INTS10: variants seen among roughly 807,000 people sequenced by gnomAD.
INTS10 encodes integrator complex subunit 10.
A neutral mutation model predicts 94.4 loss-of-function variants in INTS10; 44 were observed. That is an observed-to-expected ratio of 0.47 (90% CI 0.37 to 0.60). The LOEUF is 0.60. INTS10 is among the 20% of genes least tolerant of loss of function. The pLI is 0.00. For synonymous variants in INTS10, 341 were observed against 320.7 expected, an observed-to-expected ratio of 1.06 and a Z score of -0.68; for missense variants, 797 against 868.7, an observed-to-expected ratio of 0.92 and a Z score of 1.04.
chr8:19,824,050 A>G lies in INTS10; in HGVS notation c.836+6A>G. The G allele has an allele frequency of 6.3e-7, 1 of 1,580,334 alleles. No homozygotes were observed. The highest frequency in any genetic ancestry group is 8.6e-7 in the Non-Finnish European group (1 of 1,164,840). ...CAGATGGATAAAGGAAGACGGTAAT[A>G]AATAGCTTATTTCCAGAATTGCCTA... is the stretch of plus-strand genomic sequence containing the variant. On this transcript the variant is annotated splice_donor_region_variant and intron_variant, in intron 7 of 16. Transcript: ENST00000397977.
At chr8:19,824,648 G>A in intron 7 of INTS10, 155 bp from the exon 8 acceptor site, 1 of 539,218 alleles carries the variant, frequency 1.9e-6, no homozygotes, top group Non-Finnish European at 3.2e-6. Flanking sequence ...AATTCAGAAG[G>A]GAAAAGTTAC....
chr8:19,832,936 A>T (rs1390252681), intron 11 of INTS10, among the ~76,000 whole-genome samples: 1 of 152,184 alleles, frequency 6.6e-6, no homozygotes, highest in East Asian at 1.9e-4. Flanking sequence ...CTAAGACCAG[A>T]AAGAAAAATC....
intron 9 of INTS10, among the ~76,000 whole-genome samples, chr8:19,829,122 TA>T: frequency 6.6e-6 from 1 of 152,170 alleles, no homozygotes; most frequent in East Asian, 1.9e-4. Context: ...TTTATTTATT[TA>T]TTTTTTAGGT....
chr8:19,842,862 C>G lies in INTS10; in HGVS notation c.1654C>G (p.Leu552Val), dbSNP rs1272066391. Reference sequence around the variant, plus strand: ...ACTTCTGTTAGGTTCGGATCTGAAGCTCCTGCCTTGTACCAGCAAGGCTAT... The same window carrying G: ...ACTTCTGTTAGGTTCGGATCTGAAGGTCCTGCCTTGTACCAGCAAGGCTAT... ...PKFRKGSDLK[L>V]LPCTSKAIMP... Residue 552 changes from leucine (L) to valine (V), a missense_variant, in exon 14 of 17, where the codon CTC becomes GTC. By Grantham distance (32) the Leu-to-Val change is conservative (BLOSUM62 1). This residue lies in a region of INTS10 where 734 missense variants were observed against 787.8 expected (regional missense o/e 0.93). Transcript: ENST00000397977. The G allele has an allele frequency of 1.9e-6, 3 of 1,611,004 alleles. No homozygotes were observed. The highest frequency in any genetic ancestry group is 2.7e-5 in the African/African-American group (2 of 74,792).
In INTS10 at chr8:19,837,096, C is replaced by G; in HGVS notation, c.1575C>G (p.Leu525=). ...KVLDLMCYMV[L]PIQDGGKSQE... ...TTGATTTGATGTGCTACATGGTACT[C>G]CCCATTCAAGATGGAGGCAAATCCC... Residue 525 remains leucine (L), a synonymous_variant, in exon 13 of 17, where the codon CTC becomes CTG. Coordinates refer to ENST00000397977, the MANE Select transcript of INTS10 (RefSeq NM_018142.4). 1 of 1,613,886 alleles carries G rather than the reference C, an allele frequency of 6.2e-7. No individual in the cohort carries two copies. The highest frequency in any genetic ancestry group is 8.5e-7 in the Non-Finnish European group (1 of 1,179,762).
intron 11 of INTS10, 56 bp from the exon 12 acceptor site, chr8:19,833,113 A>T: frequency 7.7e-6 from 11 of 1,434,592 alleles, no homozygotes; most frequent in Non-Finnish European, 1.0e-5. Flanking sequence ...GTATTTTTTA[A>T]ATTTCTTTTT....
chr8:19,822,746 T>C (rs962987295), intron 5 of INTS10, among the ~76,000 whole-genome samples: 2 of 151,944 alleles, frequency 1.3e-5, no homozygotes, highest in African/African-American at 4.8e-5. Context: ...GGTCAAGAGA[T>C]CGAGACCATC....
chr8:19,833,272 G>A lies in INTS10; in HGVS notation c.1481G>A (p.Arg494Lys), dbSNP rs566777056. The change falls in exon 12 of 17, where the codon AGG becomes AAG. Residue 494 changes from arginine to lysine, a missense_variant. This residue lies in a region of INTS10 where 734 missense variants were observed against 787.8 expected (regional missense o/e 0.93). Coordinates refer to ENST00000397977, the MANE Select transcript of INTS10 (RefSeq NM_018142.4). ...GGGCAGGGGACCCTGGAGCATCAGA[G>A]GGCGCTCATCCAGCTGGCGACGTGC... ...ITGQGTLEHQRALIQLATCHF... is the reference protein window; with the variant it reads ...ITGQGTLEHQKALIQLATCHF... 6.2e-7 allele frequency: 1 copy of A among 1,613,142 alleles called. No individual in the cohort carries two copies. The highest frequency in any genetic ancestry group is 1.1e-5 in the South Asian group (1 of 91,018).
chr8:19,835,644 T>C (rs1032970093), intron 12 of INTS10, among the ~76,000 whole-genome samples: 3 of 152,144 alleles, frequency 2.0e-5, no homozygotes, highest in African/African-American at 7.2e-5. Flanking sequence ...CTCTGTGACA[T>C]CGGTAGGTTA....
At chr8:19,847,857 C>T (rs1590072965) in intron 16 of INTS10, among the ~76,000 whole-genome samples, 1 of 152,316 alleles carries the variant, frequency 6.6e-6, no homozygotes, top group East Asian at 1.9e-4. Flanking sequence ...GGATACCCAT[C>T]ATGCACTTCT....
At chr8:19,847,051 A>G (rs1177947114) in intron 16 of INTS10, among the ~76,000 whole-genome samples, 4 of 152,216 alleles carry the variant, frequency 2.6e-5, no homozygotes, top group Non-Finnish European at 1.5e-5. Flanking sequence ...GTGCCTAGGG[A>G]AAGAAGTAAG....
Position 19,826,484 on chromosome 8 carries a change from T to C in INTS10, c.1065T>C (p.Tyr355=), listed in dbSNP as rs1185997864. The C allele has an allele frequency of 8.1e-6, 13 of 1,613,202 alleles. No individual in the cohort carries two copies. The highest frequency in any genetic ancestry group is 1.0e-5 in the Non-Finnish European group (12 of 1,179,720). Residue 355 remains tyrosine, a synonymous_variant, in exon 9 of 17, where the codon TAT becomes TAC. Transcript: ENST00000397977. ...LVLLEDVSNV[Y]GDVEIDRNKH... The stretch of plus-strand genomic sequence containing the variant: ...TTCTTGAAGATGTATCGAATGTGTA[T>C]GGTGATGTAGAAATTGATCGTAATA...
intron 13 of INTS10, among the ~76,000 whole-genome samples, chr8:19,840,157 T>C (rs984887278): frequency 5.5e-5 from 8 of 145,698 alleles, no homozygotes; most frequent in African/African-American, 2.0e-4. Flanking sequence ...AATTAGAAAA[T>C]GAATTTTTTA....
chr8:19,819,652 G>A lies in INTS10; in HGVS notation c.277G>A (p.Asp93Asn). 1 of 1,613,124 alleles carries A rather than the reference G, an allele frequency of 6.2e-7. No individual in the cohort carries two copies. Among genetic ancestry groups the A allele is most frequent in the Non-Finnish European group, 8.5e-7 (1 of 1,179,354 alleles). ...ITSALRNDSQ[D>N]KQTQFLRSLF... ...ATCAGCATTAAGGAACGATTCACAG[G>A]ACAAACAAACCCAATTTTTAAGAAG... The change falls in exon 3 of 17, where the codon GAC (aspartate) becomes AAC (asparagine). Residue 93 changes from aspartate to asparagine, a missense_variant. Transcript: ENST00000397977.
chr8:19,822,274 C>G (rs1481810152), intron 4 of INTS10, 165 bp from the exon 5 acceptor site: 6 of 508,374 alleles, frequency 1.2e-5, no homozygotes, highest in South Asian at 2.7e-5. Context: ...GGGTGTGTGG[C>G]TGGTGCATTC....
At chr8:19,823,687 G>T (rs530168081) in intron 6 of INTS10, among the ~76,000 whole-genome samples, 186 bp from the exon 7 acceptor site, 1 of 152,276 alleles carries the variant, frequency 6.6e-6, no homozygotes, top group East Asian at 1.9e-4. Flanking sequence ...AATGTACCAT[G>T]ATGAAGTAGT....
intron 15 of INTS10, 115 bp downstream of exon 15, chr8:19,844,353 C>G (rs1033347386): frequency 1.2e-6 from 1 of 818,698 alleles, no homozygotes; most frequent in African/African-American, 1.7e-5. Context: ...TATTTTGCAG[C>G]GAAGAGAAGG....
At chr8:19,833,362 G>A (rs761913922) in intron 12 of INTS10, 41 bp downstream of exon 12, 12 of 1,420,668 alleles carry the variant, frequency 8.4e-6, no homozygotes, top group Non-Finnish European at 1.1e-5. Context: ...AGGTGCACGG[G>A]GCCACCTGGC....
chr8:19,826,283 T>C, intron 8 of INTS10, 143 bp from the exon 9 acceptor site: 1 of 706,962 alleles, frequency 1.4e-6, no homozygotes, highest in Non-Finnish European at 2.3e-6. Flanking sequence ...GGTTTCGCCA[T>C]GTTGCCCAGG....
Sources: gnomAD v4.1 joint callset for allele counts (sites outside exome capture counted in the v4.1 genomes callset) on GRCh38, gnomAD v4.1.1 for gene constraint, gnomAD v4.1.1 regional missense constraint, MANE v1.5 for transcripts, NCBI Gene and HGNC (gene_info 2026-07-23, HGNC 2026-07-21) for gene names.